Variants in TRPS1 observed in about 807,000 individuals in gnomAD.
TRPS1 encodes the protein zinc finger transcription factor Trps1.
A neutral mutation model predicts 101.2 loss-of-function variants in TRPS1; 6 were observed. The ratio of observed to expected loss-of-function variants is 0.06; its 90% CI spans 0.03 to 0.12. The LOEUF is 0.12. Among genes scored for constraint, TRPS1 ranks in the 10% least tolerant of loss-of-function variants. The pLI is 1.00. For synonymous variants in TRPS1, 578 were observed against 589.8 expected, an observed-to-expected ratio of 0.98 and a Z score of 0.29; for missense variants, 1,363 against 1,567.0, an observed-to-expected ratio of 0.87 and a Z score of 2.20.
chr8:115,492,321 T>A, intron 5 of TRPS1: 2 of 450,080 alleles, frequency 4.4e-6, no homozygotes, highest in Non-Finnish European at 9.0e-6. Flanking sequence ...CAGGAGTTAA[T>A]TAGAGAGGCA....
chr8:115,577,539 C>A (rs1817346922), intron 5 of TRPS1, among the ~76,000 whole-genome samples: 1 of 152,004 alleles, frequency 6.6e-6, no homozygotes, highest in African/African-American at 2.4e-5. Flanking sequence ...AAAATGTTAC[C>A]AGCACATTGA....
intron 1 of TRPS1, among the ~76,000 whole-genome samples, chr8:115,627,918 G>A (rs998567277): frequency 2.6e-5 from 4 of 151,686 alleles, no homozygotes; most frequent in Non-Finnish European, 5.9e-5. Flanking sequence ...AGTGCAATTA[G>A]AATGCTCGCT....
At chr8:115,509,507 C>T (rs962208501) in intron 5 of TRPS1, 3 of 151,932 alleles carry the variant, frequency 2.0e-5, no homozygotes, top group Admixed American at 2.0e-4. Flanking sequence ...CCTAAAGAAT[C>T]CAATTCAATT....
At chr8:115,603,830 T>A in intron 4 of TRPS1, 43 bp downstream of exon 4, 1 of 1,608,902 alleles carries the variant, frequency 6.2e-7, no homozygotes, top group African/African-American at 1.3e-5. Context: ...TTTTCTATTA[T>A]TTTATTTGTA....
At chr8:115,613,992 T>G (rs1818224881) in intron 3 of TRPS1, among the ~76,000 whole-genome samples, 1 of 152,194 alleles carries the variant, frequency 6.6e-6, no homozygotes, top group Admixed American at 6.5e-5. Context: ...GATGAAGAAT[T>G]CAAGACATCT....
chr8:115,587,031 C>T lies in TRPS1; in HGVS notation c.2670G>A (p.Lys890=). ...PQQYPASGEN[K]SKDESQSLLR... is the part of the protein sequence containing the mutation. ...ACAGGGACTGGGATTCATCCTTGGA[C>T]TTGTTTTCTCCCGATGCAGGATACT... The change falls in exon 5 of 7, where the codon AAG becomes AAA. Residue 890 remains lysine (K), a synonymous_variant. Transcript: ENST00000395715. The T allele has an allele frequency of 6.2e-7, 1 of 1,614,170 alleles. No individual in the cohort carries two copies. Among genetic ancestry groups the T allele is most frequent in the Non-Finnish European group, 8.5e-7 (1 of 1,180,018 alleles).
chr8:115,459,314 ACT>A (rs1814106712), intron 5 of TRPS1, among the ~76,000 whole-genome samples: 1 of 144,606 alleles, frequency 6.9e-6, no homozygotes. Context: ...ACAGAGCAAG[ACT>A]CTGTCTCAAA....
chr8:115,503,906 G>A (rs1469327047), intron 5 of TRPS1, among the ~76,000 whole-genome samples: 3 of 152,082 alleles, frequency 2.0e-5, no homozygotes, highest in Non-Finnish European at 2.9e-5. Context: ...TTGTGACTGT[G>A]AACGAAAATT....
intron 5 of TRPS1, among the ~76,000 whole-genome samples, chr8:115,467,249 T>C (rs373249956): frequency 4.6e-5 from 7 of 152,120 alleles, no homozygotes; most frequent in African/African-American, 1.2e-4. Context: ...GGCAGTGTCC[T>C]TTTCCTTTCC....
intron 3 of TRPS1, among the ~76,000 whole-genome samples, chr8:115,610,934 T>C (rs1336019967): frequency 1.3e-5 from 2 of 151,936 alleles, no homozygotes; most frequent in Admixed American, 1.3e-4. Context: ...CTGGCCAACA[T>C]GGTGAAACCC....
intron 2 of TRPS1, among the ~76,000 whole-genome samples, chr8:115,621,873 G>A (rs1374828118): frequency 1.3e-5 from 2 of 151,546 alleles, no homozygotes; most frequent in African/African-American, 2.4e-5. Context: ...CCAAGATCAT[G>A]CCATTGCACT....
chr8:115,410,309 T>A lies in TRPS1; in HGVS notation c.*3714A>T, dbSNP rs1351151971. ...GATCATAATAGATTATGTGCACATG[T>A]GCAATTATAAACATAATGTGCTACC... On this transcript the variant is annotated 3_prime_UTR_variant, in exon 7 of 7. Coordinates refer to ENST00000395715, the MANE Select transcript of TRPS1 (RefSeq NM_014112.5). 1 of 152,522 alleles carries A rather than the reference T, an allele frequency of 6.6e-6. No individual in the cohort carries two copies. The highest frequency in any genetic ancestry group is 2.4e-5 in the African/African-American group (1 of 41,436). The allele number at this position is 152,522 out of a possible 1,614,324, so 9.4% of individuals were successfully genotyped here. A position where few individuals can be genotyped will look rare whatever the true frequency, so the allele number is the denominator to read the frequency against.
intron 5 of TRPS1, among the ~76,000 whole-genome samples, chr8:115,552,495 A>G: frequency 6.6e-6 from 1 of 152,204 alleles, no homozygotes; most frequent in East Asian, 1.9e-4. Flanking sequence ...TCATGAGTGG[A>G]AAATCAAATG....
chr8:115,642,828 C>A (rs1818932124), intron 1 of TRPS1, among the ~76,000 whole-genome samples: 1 of 124,240 alleles, frequency 8.0e-6, no homozygotes. Context: ...ATAATAAAAG[C>A]ATGCTTACTT....
chr8:115,548,048 A>G (rs1328688468), intron 5 of TRPS1, among the ~76,000 whole-genome samples: 3 of 151,418 alleles, frequency 2.0e-5, no homozygotes, highest in Admixed American at 2.0e-4. Context: ...TGAGCAACGT[A>G]GTGAAACACC....
In TRPS1 at chr8:115,604,903, T is replaced by C; in HGVS notation, c.1066A>G (p.Met356Val). The stretch of plus-strand genomic sequence containing the variant: ...TCTAATTCGGTGGATGAGTTGCCCA[T>C]ATAAGTGAAATTGCAGAATTTACAG... ...FRCKFCNFTY[M>V]GNSSTELEQH... Residue 356 changes from methionine to valine, a missense_variant, in exon 4 of 7, where the codon ATG becomes GTG. Transcript: ENST00000395715. This position sits in a 1 kb window ranked among gnomAD's most constrained non-coding sequence, Gnocchi z 4.1. 1.2e-6 allele frequency: 2 copies of C among 1,614,048 alleles called. No individual in the cohort carries two copies. Among genetic ancestry groups the C allele is most frequent in the Non-Finnish European group, 1.7e-6 (2 of 1,179,968 alleles).
chr8:115,499,615 A>C (rs991328976), intron 5 of TRPS1, among the ~76,000 whole-genome samples: 2 of 152,372 alleles, frequency 1.3e-5, no homozygotes, highest in African/African-American at 4.8e-5. Flanking sequence ...TAGAGCCCTA[A>C]TCAGAACCAC....
At chr8:115,535,514 A>G (rs1460853801) in intron 5 of TRPS1, among the ~76,000 whole-genome samples, 1 of 148,236 alleles carries the variant, frequency 6.7e-6, no homozygotes, top group Non-Finnish European at 1.5e-5. Context: ...TATAGCGCAT[A>G]TATATAGCGC....
intron 5 of TRPS1, chr8:115,509,552 A>G (rs1815529020): frequency 6.6e-6 from 1 of 152,048 alleles, no homozygotes; most frequent in Admixed American, 6.6e-5. Context: ...ATCATCTGCA[A>G]TGCAGTAAAT....
Sources: gnomAD v4.1 joint callset for allele counts (sites outside exome capture counted in the v4.1 genomes callset) on GRCh38, gnomAD v4.1.1 for gene constraint, Gnocchi (gnomAD v3.1) non-coding constraint, MANE v1.5 for transcripts, NCBI Gene and HGNC (gene_info 2026-07-23, HGNC 2026-07-21) for gene names.